The following PPARD variants were observed in gnomAD, a reference collection of about 807,000 sequenced individuals.
The protein encoded by PPARD is peroxisome proliferator-activated receptor delta.
Under a neutral mutation model 39.5 loss-of-function variants are expected in PPARD, and 6 were observed. The ratio of observed to expected loss-of-function variants is 0.15; its 90% confidence interval spans 0.08 to 0.30. PPARD has a LOEUF of 0.30. Among genes scored for constraint, PPARD ranks in the 10% least tolerant of loss-of-function variants. The probability of loss-of-function intolerance (pLI) is 1.00; values close to 1 mark genes in which losing one functional copy is unlikely to be tolerated. For missense variants in PPARD, 397 were observed against 596.8 expected, an observed-to-expected ratio of 0.67 and a Z score of 3.49; for synonymous variants, 210 against 231.3, an observed-to-expected ratio of 0.91 and a Z score of 0.83.
At chr6:35,384,277 G>A (rs1176602209) in intron 2 of PPARD, among the ~76,000 whole-genome samples, 2 of 134,774 alleles carry the variant, frequency 1.5e-5, no homozygotes, top group African/African-American at 6.2e-5. Context: ...TCAGCCCCCC[G>A]CCAGGCCAGC....
chr6:35,399,983 C>T (rs932899556), intron 2 of PPARD, among the ~76,000 whole-genome samples: 3 of 152,022 alleles, frequency 2.0e-5, no homozygotes, highest in Admixed American at 2.0e-4. Flanking sequence ...TCAGTGTTTT[C>T]CTATAAGGGG....
rs1337281687 is a variant in PPARD, at chr6:35,384,902, C to T, written c.-101-26085C>T. On this transcript the variant is annotated intron_variant, in intron 2 of 7. Transcript: ENST00000360694. Reference sequence around the variant, plus strand: ...GGTGAGGGGCGCCTCTGCCTGGCCGCCCCTACTGGGAAGTGAGGAGCCCCT... The same window carrying T: ...GGTGAGGGGCGCCTCTGCCTGGCCGTCCCTACTGGGAAGTGAGGAGCCCCT... 3.5e-4 allele frequency among the ~76,000 whole-genome samples: 45 copies of T among 129,748 alleles called. No homozygotes were observed. The South Asian group carries it at 9.7e-3, about 28-fold the overall frequency. 85.1% of individuals were successfully genotyped at this position (129,748 alleles called of 152,430 possible).
intron 2 of PPARD, among the ~76,000 whole-genome samples, chr6:35,397,312 C>T (rs1764395091): frequency 6.6e-6 from 1 of 151,930 alleles, no homozygotes; most frequent in Non-Finnish European, 1.5e-5. Context: ...AGTGCTGCCT[C>T]CCCATGGGAA....
At chr6:35,364,582 T>C (rs924035065) in intron 2 of PPARD, among the ~76,000 whole-genome samples, 7 of 151,958 alleles carry the variant, frequency 4.6e-5, no homozygotes, top group African/African-American at 1.7e-4. Context: ...TACAGGTGCA[T>C]GCCACCACGC....
intron 2 of PPARD, among the ~76,000 whole-genome samples, chr6:35,368,193 G>A (rs1762303416): frequency 6.6e-6 from 1 of 152,210 alleles, no homozygotes; most frequent in South Asian, 2.1e-4. Flanking sequence ...AGATCACTGT[G>A]TCTTAGGGAA....
chr6:35,361,887 G>A (rs1381596385), intron 2 of PPARD, among the ~76,000 whole-genome samples: 1 of 152,196 alleles, frequency 6.6e-6, no homozygotes. Context: ...CTGTTTATCT[G>A]ACTAGTAATA....
intron 2 of PPARD, among the ~76,000 whole-genome samples, chr6:35,383,346 G>A (rs911685230): frequency 2.0e-5 from 3 of 152,200 alleles, no homozygotes; most frequent in Non-Finnish European, 1.5e-5. Flanking sequence ...GTGGTGCCCA[G>A]GCTGGAGTGC....
intron 2 of PPARD, among the ~76,000 whole-genome samples, chr6:35,405,204 C>G (rs148925261): frequency 6.6e-6 from 1 of 151,172 alleles, no homozygotes; most frequent in Admixed American, 6.6e-5. Flanking sequence ...ATTACAGGTG[C>G]GTGCCACCAC....
intron 4 of PPARD, among the ~76,000 whole-genome samples, chr6:35,421,043 T>C (rs548478083): frequency 2.0e-5 from 3 of 152,204 alleles, no homozygotes; most frequent in East Asian, 3.9e-4. Flanking sequence ...GCCAGGCTGG[T>C]CTCGAACTCC....
At chr6:35,413,894 G>A (rs1489425871) in intron 3 of PPARD, among the ~76,000 whole-genome samples, 1 of 152,180 alleles carries the variant, frequency 6.6e-6, no homozygotes, top group East Asian at 1.9e-4. Flanking sequence ...GTGTTGGCCA[G>A]GCTAGTCACG....
At chr6:35,348,728 TC>T (rs1761035600) in intron 2 of PPARD, 13 of 985,270 alleles carry the variant, frequency 1.3e-5, no homozygotes, top group Non-Finnish European at 1.3e-5. Flanking sequence ...TTCAGGAAGG[TC>T]CTGGGTGGGG....
At chr6:35,406,173 G>A (rs1765037387) in intron 2 of PPARD, among the ~76,000 whole-genome samples, 1 of 152,102 alleles carries the variant, frequency 6.6e-6, no homozygotes, top group Non-Finnish European at 1.5e-5. Context: ...TGATCTGCCT[G>A]CCTCAGCCTC....
At chr6:35,377,406 G>A (rs1762870779) in intron 2 of PPARD, among the ~76,000 whole-genome samples, 2 of 152,244 alleles carry the variant, frequency 1.3e-5, no homozygotes, top group Admixed American at 6.5e-5. Flanking sequence ...AATGCTTAGC[G>A]TGTCATATGA....
intron 2 of PPARD, among the ~76,000 whole-genome samples, chr6:35,396,937 C>T (rs746512442): frequency 9.9e-5 from 15 of 152,030 alleles, no homozygotes; most frequent in Non-Finnish European, 1.6e-4. Flanking sequence ...GCTGCTGTGC[C>T]CAGCAGTATT....
In PPARD at chr6:35,401,633, C is replaced by T. The variant is rs1562208668; in HGVS notation, c.-101-9354C>T. Among the ~76,000 whole-genome samples, 1 of 152,206 alleles carries T rather than the reference C, an allele frequency of 6.6e-6. No homozygotes were observed. Among genetic ancestry groups the T allele is most frequent in the East Asian group, 1.9e-4 (1 of 5,200 alleles). ...CCATCACCCTGGAATCCCACTCAGC[C>T]TGCCTGGGCCAGAGGCTACGTAAGG... On this transcript the variant is annotated intron_variant, in intron 2 of 7. Transcript: ENST00000360694. This position sits in a 1 kb window ranked among gnomAD's most constrained non-coding sequence, Gnocchi z 4.1.
At chr6:35,358,812 T>C (rs1167995736) in intron 2 of PPARD, among the ~76,000 whole-genome samples, 1 of 152,240 alleles carries the variant, frequency 6.6e-6, no homozygotes, top group Non-Finnish European at 1.5e-5. Flanking sequence ...ATTCAATAAA[T>C]GTTTATTGTG....
intron 5 of PPARD, 121 bp from the exon 6 acceptor site, chr6:35,423,825 A>G: frequency 1.2e-6 from 1 of 867,790 alleles, no homozygotes; most frequent in Non-Finnish European, 1.8e-6. Flanking sequence ...TGCTGACTCT[A>G]GAGCTTCTGG....
chr6:35,348,548 G>A lies in PPARD; in HGVS notation c.-102+1398G>A, dbSNP rs1761026954. On this transcript the variant is annotated intron_variant, in intron 2 of 7. Coordinates refer to ENST00000360694, the MANE Select transcript of PPARD (RefSeq NM_006238.5). ...CCTGCTGGGGGCCGGGGAAACGTGG[G>A]CCTCCTGCCTGATTTGTTTTAATCT... The A allele has an allele frequency of 3.0e-6, 3 of 985,316 alleles. No homozygotes were observed. The South Asian group carries it at 1.4e-4, about 46-fold the overall frequency. 61.0% of individuals were successfully genotyped at this position (985,316 alleles called of 1,614,324 possible).
At chr6:35,403,247 C>A (rs1581635727) in intron 2 of PPARD, among the ~76,000 whole-genome samples, 3 of 152,318 alleles carry the variant, frequency 2.0e-5, no homozygotes, top group South Asian at 4.1e-4. Flanking sequence ...ATAGCAGCAG[C>A]CACTGTGGTC....
Sources: gnomAD v4.1 joint callset for allele counts (sites outside exome capture counted in the v4.1 genomes callset) on GRCh38, gnomAD v4.1.1 for gene constraint, Gnocchi (gnomAD v3.1) non-coding constraint, MANE v1.5 for transcripts, NCBI Gene and HGNC (gene_info 2026-07-23, HGNC 2026-07-21) for gene names.